PPP1R9A: variants seen among roughly 807,000 people sequenced by gnomAD.
PPP1R9A encodes neurabin-1.
In PPP1R9A, 59 loss-of-function variants were observed where a neutral mutation model predicts 141.9. The ratio of observed to expected loss-of-function variants is 0.42; its 90% CI spans 0.34 to 0.52. PPP1R9A has a LOEUF of 0.52. Ranked by LOEUF, PPP1R9A falls within the 20% of genes least tolerant of loss-of-function variation. The probability of loss-of-function intolerance (pLI) is 0.10; values close to 1 mark genes in which losing one functional copy is unlikely to be tolerated. For missense variants in PPP1R9A, 1,444 were observed against 1,611.9 expected (o/e 0.90, Z 1.78); for synonymous variants, 500 against 569.7 (o/e 0.88, Z 1.74).
chr7:95,070,743 GT>G (rs1813703449), intron 2 of PPP1R9A, among the ~76,000 whole-genome samples: 1 of 151,402 alleles, frequency 6.6e-6, no homozygotes, highest in Non-Finnish European at 1.5e-5. Context: ...GGAGCATTTT[GT>G]CAGATTATGC....
intron 2 of PPP1R9A, among the ~76,000 whole-genome samples, chr7:95,087,081 A>C (rs1372071007): frequency 6.7e-6 from 1 of 150,066 alleles, no homozygotes; most frequent in Non-Finnish European, 1.5e-5. Context: ...GAGAAAGCCA[A>C]AAGCATAAGG....
At chr7:94,919,323 T>A (rs1014280903) in intron 2 of PPP1R9A, among the ~76,000 whole-genome samples, 1 of 96,606 alleles carries the variant, frequency 1.0e-5, no homozygotes, top group Non-Finnish European at 2.1e-5. Context: ...TTTTTTTTTT[T>A]TTGTAGATTC....
Position 95,085,772 on chromosome 7 carries a change from TTTTC to T in PPP1R9A, c.1396-25486_1396-25483del, listed in dbSNP as rs1563216421. ...ATATTCTCTCAGTTTATAACTTGTA[TTTTC>T]ACTTGGTATATGTTTCCTTATAATA... is the stretch of plus-strand genomic sequence containing the variant. On this transcript the variant is annotated intron_variant, in intron 2 of 19. Coordinates refer to ENST00000433360, the MANE Select transcript of PPP1R9A (RefSeq NM_001166160.2). Among the ~76,000 whole-genome samples, 36 of 152,152 alleles carry T rather than the reference TTTTC, an allele frequency of 2.4e-4. No individual in the cohort carries two copies. In the East Asian group the frequency reaches 3.9e-3, roughly 16 times the overall value.
rs768511467 is a variant in PPP1R9A at position 94,911,190 on chromosome 7, A to G, written c.1077A>G (p.Gln359=). 1.2e-6 allele frequency: 2 copies of G among 1,614,210 alleles called. No homozygotes were observed. The highest frequency in any genetic ancestry group is 2.2e-5 in the East Asian group (1 of 44,880). Residue 359 remains glutamine, a synonymous_variant, in exon 2 of 20, where the codon CAA becomes CAG. Coordinates refer to ENST00000433360, the MANE Select transcript of PPP1R9A (RefSeq NM_001166160.2). ...TGGTTGGAAGGGAGGCAGCAAAGCA[A>G]CAGAGGAAAGAACTTGCAGGTGGTG... ...ANLVGREAAK[Q]QRKELAGGDF...
At chr7:95,283,159 A>AT (rs1033726780) in intron 16 of PPP1R9A, among the ~76,000 whole-genome samples, 1 of 152,122 alleles carries the variant, frequency 6.6e-6, no homozygotes, top group African/African-American at 2.4e-5. Context: ...TCTGATAGTT[A>AT]TTTTTTCTCT....
chr7:95,123,576 G>A (rs1337235828), intron 4 of PPP1R9A, among the ~76,000 whole-genome samples: 3 of 152,184 alleles, frequency 2.0e-5, no homozygotes, highest in Admixed American at 6.5e-5. Flanking sequence ...TTGAACCTGG[G>A]AGGTAGAGGT....
At chr7:95,027,454 C>T (rs185201258) in intron 2 of PPP1R9A, among the ~76,000 whole-genome samples, 21 of 152,254 alleles carry the variant, frequency 1.4e-4, no homozygotes, top group East Asian at 1.4e-3. Flanking sequence ...CTGTGTACCT[C>T]GGTTGGAAAT....
intron 2 of PPP1R9A, among the ~76,000 whole-genome samples, chr7:95,083,631 G>A (rs1325412236): frequency 6.6e-6 from 1 of 151,912 alleles, no homozygotes; most frequent in Non-Finnish European, 1.5e-5. Flanking sequence ...TTAGCTAACT[G>A]CTAAGCTAAT....
At position 94,911,500 on chromosome 7, in the gene PPP1R9A, C is replaced by T. The variant is rs1791446549; in HGVS notation, c.1387C>T (p.Pro463Ser). ...ANRKIKFSSA[P>S]IKVFNTYSNE... is the part of the protein sequence containing the mutation. ...TAGGAAAATTAAGTTTAGTAGTGCT[C>T]CTATTAAGGTAAGTGTGTTTTCTCC... is the stretch of plus-strand genomic sequence containing the variant. Residue 463 changes from proline to serine, a missense_variant, in exon 2 of 20, where the codon CCT becomes TCT. Coordinates refer to ENST00000433360, the MANE Select transcript of PPP1R9A (RefSeq NM_001166160.2). The T allele has an allele frequency of 6.2e-7, 1 of 1,602,596 alleles. No homozygotes were observed. The highest frequency in any genetic ancestry group is 2.2e-5 in the East Asian group (1 of 44,760).
intron 2 of PPP1R9A, among the ~76,000 whole-genome samples, chr7:95,010,347 T>A (rs892229981): frequency 1.3e-5 from 2 of 152,048 alleles, no homozygotes; most frequent in African/African-American, 4.8e-5. Flanking sequence ...AGGGCTGCCA[T>A]GAGCTGTGAT....
chr7:95,100,112 A>G (rs1180628326), intron 2 of PPP1R9A, among the ~76,000 whole-genome samples: 1 of 151,998 alleles, frequency 6.6e-6, no homozygotes, highest in African/African-American at 2.4e-5. Context: ...ACTTTCCACA[A>G]AGTCAACTGT....
chr7:95,103,438 G>C (rs1038350390), intron 2 of PPP1R9A, among the ~76,000 whole-genome samples: 6 of 145,504 alleles, frequency 4.1e-5, no homozygotes, highest in Non-Finnish European at 9.0e-5. Context: ...TGCGATCTTG[G>C]CTCACTGCAA....
chr7:95,126,477 A>G (rs915074989), intron 4 of PPP1R9A, among the ~76,000 whole-genome samples: 9 of 152,188 alleles, frequency 5.9e-5, no homozygotes, highest in Non-Finnish European at 1.0e-4. Flanking sequence ...CATGGAAACT[A>G]TTGAGGAACT....
chr7:95,268,564 G>A lies in PPP1R9A; in HGVS notation c.2680G>A (p.Val894Ile). 6.2e-7 allele frequency: 1 copy of A among 1,613,226 alleles called. No homozygotes were observed. Among genetic ancestry groups the A allele is most frequent in the Admixed American group, 1.7e-5 (1 of 59,952 alleles). Residue 894 changes from valine to isoleucine, a missense_variant, in exon 13 of 20, where the codon GTC (valine) becomes ATC (isoleucine). By Grantham distance (29) the Val-to-Ile change is conservative. Around this residue, in one of 5 missense-constraint regions of PPP1R9A, gnomAD observed 488 missense variants for 542.0 expected, o/e 0.90. Coordinates refer to ENST00000433360, the MANE Select transcript of PPP1R9A (RefSeq NM_001166160.2). ...AATATTCTTAGACTTGAATGAAGCA[G>A]TCCCAGAGACAGAGCGCCTGGATTC... ...DGLSQDLNEAVPETERLDSKA... is the reference protein window; with the variant it reads ...DGLSQDLNEAIPETERLDSKA...
chr7:95,269,545 A>G, intron 14 of PPP1R9A, 38 bp downstream of exon 14: 2 of 1,463,778 alleles, frequency 1.4e-6, no homozygotes, highest in East Asian at 2.3e-5. Context: ...ATAACACCTC[A>G]GCTTGTACAG....
At chr7:95,009,109 C>T (rs905672825) in intron 2 of PPP1R9A, among the ~76,000 whole-genome samples, 3 of 151,992 alleles carry the variant, frequency 2.0e-5, no homozygotes, top group Non-Finnish European at 4.4e-5. Context: ...AATGAAAACA[C>T]TTGGACACAG....
At chr7:94,953,980 G>A (rs1013387948) in intron 2 of PPP1R9A, among the ~76,000 whole-genome samples, 1 of 152,128 alleles carries the variant, frequency 6.6e-6, no homozygotes, top group Non-Finnish European at 1.5e-5. Flanking sequence ...GTCCTGGCCA[G>A]AACTTCCAAT....
At chr7:95,019,307 C>T (rs1282037554) in intron 2 of PPP1R9A, among the ~76,000 whole-genome samples, 1 of 152,152 alleles carries the variant, frequency 6.6e-6, no homozygotes, top group Non-Finnish European at 1.5e-5. Context: ...CAATTGAACC[C>T]ATGAGGTGGA....
intron 5 of PPP1R9A, among the ~76,000 whole-genome samples, chr7:95,182,808 A>G (rs1327764306): frequency 6.6e-6 from 1 of 152,234 alleles, no homozygotes; most frequent in East Asian, 1.9e-4. Flanking sequence ...ACCACTGTTG[A>G]GAGAAAGAGT....
Sources: allele counts gnomAD v4.1 joint callset (sites outside exome capture counted in the v4.1 genomes callset), GRCh38; gene constraint gnomAD v4.1.1; regional missense constraint gnomAD v4.1.1; transcripts MANE v1.5; gene names NCBI Gene and HGNC (gene_info 2026-07-23, HGNC 2026-07-21).